CPA6: variants seen among roughly 807,000 people sequenced by gnomAD.
The protein encoded by CPA6 is carboxypeptidase A6.
Under a neutral mutation model 63.3 loss-of-function variants are expected in CPA6, and 58 were observed. The observed-to-expected ratio is 0.92, with a 90% CI of 0.74 to 1.14. The LOEUF is 1.14. CPA6 is among the 50% of genes most tolerant of loss of function. The pLI is 0.00. For synonymous variants in CPA6, 185 were observed against 179.0 expected, an observed-to-expected ratio of 1.03 and a Z score of -0.27; for missense variants, 565 against 526.6, an observed-to-expected ratio of 1.07 and a Z score of -0.71.
chr8:67,519,668 C>T (rs555414160), intron 2 of CPA6, among the ~76,000 whole-genome samples: 12 of 152,318 alleles, frequency 7.9e-5, no homozygotes, highest in South Asian at 6.2e-4. Context: ...ACATGCCAGT[C>T]CAACAATCAG....
intron 1 of CPA6, among the ~76,000 whole-genome samples, chr8:67,740,858 C>T (rs1817899401): frequency 6.6e-6 from 1 of 152,182 alleles, no homozygotes. Flanking sequence ...ACGTGAGCCA[C>T]CGTGCCTGGC....
chr8:67,485,359 A>G (rs1194221136), intron 6 of CPA6, among the ~76,000 whole-genome samples: 1 of 152,056 alleles, frequency 6.6e-6, no homozygotes, highest in Non-Finnish European at 1.5e-5. Flanking sequence ...CTTTCCCTCC[A>G]CCAAGGTAAT....
intron 2 of CPA6, among the ~76,000 whole-genome samples, chr8:67,599,177 T>C (rs1367599862): frequency 6.6e-6 from 1 of 152,176 alleles, no homozygotes; most frequent in Non-Finnish European, 1.5e-5. Flanking sequence ...AGCTGATAAA[T>C]GCCGCAATCA....
intron 2 of CPA6, among the ~76,000 whole-genome samples, chr8:67,562,003 T>C (rs982727448): frequency 6.6e-6 from 1 of 152,232 alleles, no homozygotes; most frequent in African/African-American, 2.4e-5. Context: ...GCTGTTGGAA[T>C]GGAAGGACGT....
In CPA6 at chr8:67,714,475, G is replaced by A. The variant is rs1345340513; in HGVS notation, c.116+31539C>T. Among the ~76,000 whole-genome samples, 6 of 152,282 alleles carry A rather than the reference G, an allele frequency of 3.9e-5. 1 individual carries two copies. The South Asian group carries it at 1.0e-3, about 26-fold the overall frequency. On this transcript the variant is annotated intron_variant, in intron 1 of 10. Coordinates refer to ENST00000297770, the MANE Select transcript of CPA6 (RefSeq NM_020361.5). ...TGCAATCCTAGCACTTCGGGAGCCCGAGCACTCCTCAGGCTCAGGAGGTTT... is the reference window on the plus strand; with the variant it reads ...TGCAATCCTAGCACTTCGGGAGCCCAAGCACTCCTCAGGCTCAGGAGGTTT...
rs534232514 is a variant in CPA6, at chr8:67,634,568, A to G, written c.117-10317T>C. On this transcript the variant is annotated intron_variant, in intron 1 of 10. Coordinates refer to ENST00000297770, the MANE Select transcript of CPA6 (RefSeq NM_020361.5). ...CTTTGCGGGGAGAAAGAGTAAGGTT[A>G]GATTACAATCTGGGCTCCACCACTT... 7.3e-3 allele frequency among the ~76,000 whole-genome samples: 1,114 copies of G among 151,694 alleles called. 72 individuals carry two copies. Among genetic ancestry groups the G allele is most frequent in the African/African-American group, 0.026 (1,062 of 40,998 alleles).
intron 2 of CPA6, among the ~76,000 whole-genome samples, chr8:67,549,576 C>T (rs1322100529): frequency 6.6e-6 from 1 of 152,142 alleles, no homozygotes; most frequent in Non-Finnish European, 1.5e-5. Context: ...TATGGTAGAT[C>T]CCTAGGACTT....
chr8:67,509,150 C>T (rs868739130), intron 5 of CPA6, among the ~76,000 whole-genome samples: 1 of 152,174 alleles, frequency 6.6e-6, no homozygotes, highest in East Asian at 1.9e-4. Context: ...TCACCTCCCA[C>T]CAGGTTCCTC....
rs779573490 is a variant in CPA6 at position 67,609,595 on chromosome 8, C to T, written c.192+14581G>A. Reference sequence around the variant, plus strand: ...GTTCCTGAAAGAAATTAGGTAACCCCGAGAGATTTTGCTATTCCAGAAACA... The same window carrying T: ...GTTCCTGAAAGAAATTAGGTAACCCTGAGAGATTTTGCTATTCCAGAAACA... On this transcript the variant is annotated intron_variant, in intron 2 of 10. Transcript: ENST00000297770. Among the ~76,000 whole-genome samples, 18 of 152,206 alleles carry T rather than the reference C, an allele frequency of 1.2e-4. No individual in the cohort carries two copies. The East Asian group carries it at 1.3e-3, about 11-fold the overall frequency.
chr8:67,474,284 C>T (rs180688187), intron 8 of CPA6, among the ~76,000 whole-genome samples: 5 of 152,096 alleles, frequency 3.3e-5, no homozygotes, highest in South Asian at 2.1e-4. Flanking sequence ...TGCAGTGGTG[C>T]GATCTTGGCT....
At chr8:67,519,674 A>T (rs1812220563) in intron 2 of CPA6, among the ~76,000 whole-genome samples, 3 of 152,196 alleles carry the variant, frequency 2.0e-5, no homozygotes. Context: ...CAGTCCAACA[A>T]TCAGCGCACA....
chr8:67,610,276 G>T (rs1041593017), intron 2 of CPA6, among the ~76,000 whole-genome samples: 3 of 151,990 alleles, frequency 2.0e-5, no homozygotes, highest in Admixed American at 1.3e-4. Context: ...CTATTCAGAA[G>T]GATTGCTTGA....
chr8:67,467,485 C>T (rs1199914344), intron 8 of CPA6, among the ~76,000 whole-genome samples: 2 of 152,176 alleles, frequency 1.3e-5, no homozygotes, highest in Non-Finnish European at 2.9e-5. Flanking sequence ...GTGCTTGTAT[C>T]CACCAGGTAC....
At chr8:67,473,117 T>A (rs182007910) in intron 8 of CPA6, among the ~76,000 whole-genome samples, 274 of 152,348 alleles carry the variant, frequency 1.8e-3, no homozygotes, top group African/African-American at 6.3e-3. Flanking sequence ...TTTAGCAGTG[T>A]ATTAGCTAGA....
At chr8:67,642,015 T>TTCCTCC (rs1815602222) in intron 1 of CPA6, among the ~76,000 whole-genome samples, 1 of 152,140 alleles carries the variant, frequency 6.6e-6, no homozygotes. Context: ...GGGAGGAAAT[T>TTCCTCC]ATAAAATTTG....
intron 2 of CPA6, among the ~76,000 whole-genome samples, chr8:67,540,540 G>GGA: frequency 6.6e-6 from 1 of 152,348 alleles, no homozygotes; most frequent in African/African-American, 2.4e-5. Context: ...CGCTGTGCTG[G>GGA]GAGATCTGCT....
intron 8 of CPA6, among the ~76,000 whole-genome samples, chr8:67,475,863 CTTTCTTTCTTTCTTTCT>C (rs1811197090): frequency 1.2e-5 from 1 of 80,694 alleles, no homozygotes; most frequent in Non-Finnish European, 2.4e-5. Context: ...TTCTTTCTTT[CTTTCTTTCTTTCTTTCT>C]CCTTTCTTTC....
intron 2 of CPA6, among the ~76,000 whole-genome samples, chr8:67,619,997 C>T (rs947876302): frequency 1.3e-5 from 2 of 152,186 alleles, no homozygotes; most frequent in African/African-American, 4.8e-5. Context: ...ACCTAGTGGT[C>T]CTATAACAGT....
intron 1 of CPA6, among the ~76,000 whole-genome samples, chr8:67,657,859 A>G (rs1218777647): frequency 1.5e-4 from 23 of 152,142 alleles, no homozygotes; most frequent in Non-Finnish European, 1.5e-5. Context: ...CTCTCCCTGC[A>G]GCCACCAGGA....
Sources: allele counts gnomAD v4.1 joint callset (sites outside exome capture counted in the v4.1 genomes callset), GRCh38; gene constraint gnomAD v4.1.1; transcripts MANE v1.5; gene names NCBI Gene and HGNC (gene_info 2026-07-23, HGNC 2026-07-21).